The following MAP3K2 variants were observed in gnomAD, a reference collection of about 807,000 sequenced individuals.
MAP3K2 encodes MAP/ERK kinase kinase 2.
MAP3K2 carries 24 observed loss-of-function variants against 80.3 expected under a neutral mutation model. The observed-to-expected ratio is 0.30, with a 90% CI of 0.22 to 0.42. The LOEUF (loss-of-function observed/expected upper bound fraction) is 0.42. Ranked by LOEUF, MAP3K2 falls within the 10% of genes least tolerant of loss-of-function variation. The pLI is 1.00. For missense variants in MAP3K2, 608 were observed against 750.1 expected (o/e 0.81, Z 2.21); for synonymous variants, 244 against 253.7 (o/e 0.96, Z 0.36).
At chr2:127,377,300 A>G (rs1459570849) in intron 1 of MAP3K2, among the ~76,000 whole-genome samples, 2 of 152,174 alleles carry the variant, frequency 1.3e-5, no homozygotes, top group Non-Finnish European at 2.9e-5. Context: ...AATATTTATC[A>G]GAACTCTGAC....
At chr2:127,342,820 T>C (rs1050287788) in intron 2 of MAP3K2, among the ~76,000 whole-genome samples, 2 of 152,214 alleles carry the variant, frequency 1.3e-5, no homozygotes, top group African/African-American at 2.4e-5. Context: ...TGCTGCTCTA[T>C]GAATGATAAA....
chr2:127,366,416 C>T (rs1304566740), intron 1 of MAP3K2, among the ~76,000 whole-genome samples: 1 of 143,066 alleles, frequency 7.0e-6, no homozygotes, highest in African/African-American at 2.5e-5. Flanking sequence ...CAAAACAAAA[C>T]AAAAAGAATA....
At chr2:127,343,770 C>T (rs1330483538) in intron 1 of MAP3K2, among the ~76,000 whole-genome samples, 1 of 152,152 alleles carries the variant, frequency 6.6e-6, no homozygotes, top group Non-Finnish European at 1.5e-5. Context: ...ATAATCCCAG[C>T]ACTTTGGGAG....
chr2:127,387,596 G>T lies in MAP3K2; in HGVS notation c.-210C>A. 1 of 984,978 alleles carries T rather than the reference G, an allele frequency of 1.0e-6. No homozygotes were observed. Among genetic ancestry groups the T allele is most frequent in the Non-Finnish European group, 1.2e-6 (1 of 829,754 alleles). 61.0% of individuals were successfully genotyped at this position (984,978 alleles called of 1,614,324 possible). On this transcript the variant is annotated 5_prime_UTR_variant, in exon 1 of 17. Transcript: ENST00000682094. ...GCCCCCGGGGACCGGAGGGGCGCGC[G>T]AGGAGTCGGGCGCGGGCCTTGGGGC...
intron 1 of MAP3K2, among the ~76,000 whole-genome samples, chr2:127,346,679 A>C (rs1686601085): frequency 6.6e-6 from 1 of 152,178 alleles, no homozygotes; most frequent in African/African-American, 2.4e-5. Flanking sequence ...GTAAAAAACC[A>C]CATTAACAGA....
chr2:127,298,944 ATTT>A lies in MAP3K2; in HGVS notation c.*8632_*8634del, dbSNP rs71691763. ...ATAAACATGGTTTCTTTTATATTAGATTTTTTTTTAAAAAAAAGCTATTTACCA... is the reference window on the plus strand; with the variant it reads ...ATAAACATGGTTTCTTTTATATTAGATTTTTTAAAAAAAAGCTATTTACCA... On this transcript the variant is annotated 3_prime_UTR_variant, in exon 17 of 17. Transcript: ENST00000682094. 6.6e-6 allele frequency: 1 copy of A among 151,582 alleles called. No homozygotes were observed. Among genetic ancestry groups the A allele is most frequent in the South Asian group, 2.1e-4 (1 of 4,814 alleles). The allele number at this position is 151,582 out of a possible 1,614,324, so 9.4% of individuals were successfully genotyped here.
intron 1 of MAP3K2, among the ~76,000 whole-genome samples, chr2:127,351,497 T>G (rs1273302842): frequency 6.6e-6 from 1 of 152,134 alleles, no homozygotes; most frequent in Non-Finnish European, 1.5e-5. Flanking sequence ...AAGAAGCATC[T>G]CTATTTTTCC....
Position 127,299,594 on chromosome 2 carries a change from G to C in MAP3K2, c.*7985C>G, listed in dbSNP as rs1685552184. The C allele has an allele frequency of 2.0e-5, 3 of 152,074 alleles. No individual in the cohort carries two copies. Among genetic ancestry groups the C allele is most frequent in the Admixed American group, 2.0e-4 (3 of 15,264 alleles). The allele number at this position is 152,074 out of a possible 1,614,324, so 9.4% of individuals were successfully genotyped here. On this transcript the variant is annotated 3_prime_UTR_variant, in exon 17 of 17. Coordinates refer to ENST00000682094, the MANE Select transcript of MAP3K2 (RefSeq NM_001371910.2). ...GAATTCAAAGGCCATTTTTAGCGGT[G>C]TGTTTTTGCTACTGCTTAAAACCTA... is the stretch of plus-strand genomic sequence containing the variant.
rs1026246387 is a variant in MAP3K2 at position 127,301,735 on chromosome 2, G to A, written c.*5844C>T. 1 of 152,160 alleles carries A rather than the reference G, an allele frequency of 6.6e-6. No homozygotes were observed. 9.4% of individuals were successfully genotyped at this position (152,160 alleles called of 1,614,324 possible). On this transcript the variant is annotated 3_prime_UTR_variant, in exon 17 of 17. Transcript: ENST00000682094. ...TGAAAAATAAGAATTCTATGAGACT[G>A]TATACAGGCAACAGATAAAATCTAT...
At chr2:127,351,250 T>C (rs763066952) in intron 1 of MAP3K2, among the ~76,000 whole-genome samples, 7 of 152,142 alleles carry the variant, frequency 4.6e-5, no homozygotes, top group Non-Finnish European at 1.0e-4. Flanking sequence ...GTTCTATCAA[T>C]GCTAACCTCC....
chr2:127,346,443 TTCCCAATTCATTGTGAAGCCAGTATTAC>T (rs1686597565), intron 1 of MAP3K2, among the ~76,000 whole-genome samples: 2 of 122,380 alleles, frequency 1.6e-5, no homozygotes, highest in Non-Finnish European at 3.6e-5. Context: ...GAAGGAACAC[TTCCCAATTCATTGTGAAGCCAGTATTAC>T]TCCAATACCA....
At position 127,387,962 on chromosome 2, in the gene MAP3K2, C is replaced by T. The variant is rs1210743042; in HGVS notation, c.-576G>A. 7.1e-6 allele frequency: 7 copies of T among 984,602 alleles called. No homozygotes were observed. The highest frequency in any genetic ancestry group is 1.7e-5 in the African/African-American group (1 of 57,150). 61.0% of individuals were successfully genotyped at this position (984,602 alleles called of 1,614,324 possible). A position where few individuals can be genotyped will look rare whatever the true frequency, so the allele number is the denominator to read the frequency against. ...GGCAGGCAGCCCGGCAGCCACTACA[C>T]ACGGACCCGTGACGTCGGGCGTAGC... On this transcript the variant is annotated 5_prime_UTR_variant, in exon 1 of 17. It adds an upstream start codon to the 5' untranslated region. Transcript: ENST00000682094.
intron 16 of MAP3K2, among the ~76,000 whole-genome samples, chr2:127,308,061 A>G (rs1685737231): frequency 6.6e-6 from 1 of 152,196 alleles, no homozygotes; most frequent in African/African-American, 2.4e-5. Flanking sequence ...TTTGTTTTAT[A>G]TAATTTCTAA....
chr2:127,343,194 C>T lies in MAP3K2; in HGVS notation c.-65G>A. ...GTTCTCCCATCAGCATTCTTTATGGCCTGAGAAGATAAAACAGATCAGCAT... is the reference window on the plus strand; with the variant it reads ...GTTCTCCCATCAGCATTCTTTATGGTCTGAGAAGATAAAACAGATCAGCAT... On this transcript the variant is annotated splice_region_variant and 5_prime_UTR_variant, in exon 2 of 17. Coordinates refer to ENST00000682094, the MANE Select transcript of MAP3K2 (RefSeq NM_001371910.2). The T allele has an allele frequency of 7.8e-7, 1 of 1,275,048 alleles. No individual in the cohort carries two copies. The highest frequency in any genetic ancestry group is 1.1e-6 in the Non-Finnish European group (1 of 904,074). 79.0% of individuals were successfully genotyped at this position (1,275,048 alleles called of 1,614,324 possible).
chr2:127,327,114 C>T (rs1686157255), intron 7 of MAP3K2, among the ~76,000 whole-genome samples: 1 of 152,086 alleles, frequency 6.6e-6, no homozygotes, highest in Admixed American at 6.6e-5. Flanking sequence ...GGCATTAAGA[C>T]AGTTTATTTA....
chr2:127,381,441 A>G (rs975544211), intron 1 of MAP3K2, among the ~76,000 whole-genome samples: 3 of 151,904 alleles, frequency 2.0e-5, no homozygotes, highest in African/African-American at 7.3e-5. Context: ...GATACTTTGA[A>G]TACTTTGTTA....
At chr2:127,365,534 C>T (rs1362696522) in intron 1 of MAP3K2, among the ~76,000 whole-genome samples, 3 of 152,172 alleles carry the variant, frequency 2.0e-5, no homozygotes, top group Non-Finnish European at 2.9e-5. Context: ...CAGCCGACTG[C>T]GCAGCTCTCC....
At chr2:127,327,467 T>C (rs972371137) in intron 7 of MAP3K2, among the ~76,000 whole-genome samples, 6 of 152,050 alleles carry the variant, frequency 3.9e-5, no homozygotes, top group Admixed American at 2.6e-4. Flanking sequence ...TCATAACAAC[T>C]GTAGCCACAA....
In MAP3K2 at chr2:127,387,700, T is replaced by C. The variant is rs1418853279; in HGVS notation, c.-314A>G. 3.0e-5 allele frequency: 30 copies of C among 984,952 alleles called. No homozygotes were observed. Among genetic ancestry groups the C allele is most frequent in the Non-Finnish European group, 3.6e-5 (30 of 829,900 alleles). 61.0% of individuals were successfully genotyped at this position (984,952 alleles called of 1,614,324 possible). ...TGAATCCTCGCAGCCGGCCGGGTCC[T>C]CCTGGCGCTCCTCGGCACTTCTAGC... On this transcript the variant is annotated 5_prime_UTR_variant, in exon 1 of 17. Coordinates refer to ENST00000682094, the MANE Select transcript of MAP3K2 (RefSeq NM_001371910.2).
Sources: gnomAD v4.1 joint callset for allele counts (sites outside exome capture counted in the v4.1 genomes callset) on GRCh38, gnomAD v4.1.1 for gene constraint, MANE v1.5 for transcripts, NCBI Gene and HGNC (gene_info 2026-07-23, HGNC 2026-07-21) for gene names.